PIEZO2: variants seen among roughly 807,000 people sequenced by gnomAD.
PIEZO2 encodes piezo-type mechanosensitive ion channel component 2.
PIEZO2 carries 172 observed loss-of-function variants against 337.3 expected under a neutral mutation model. The ratio of observed to expected loss-of-function variants is 0.51; its 90% CI spans 0.45 to 0.58. PIEZO2 has a LOEUF of 0.58. Among genes scored for constraint, PIEZO2 ranks in the 20% least tolerant of loss-of-function variants. The pLI is 0.00. For synonymous variants in PIEZO2, 1,251 were observed against 1,228.5 expected (o/e 1.02, Z -0.38); for missense variants, 3,028 against 3,391.3 (o/e 0.89, Z 2.66).
intron 7 of PIEZO2, among the ~76,000 whole-genome samples, chr18:10,841,575 A>G (rs2144607846): frequency 6.6e-6 from 1 of 152,300 alleles, no homozygotes; most frequent in Non-Finnish European, 1.5e-5. Flanking sequence ...AAACCTGTCA[A>G]CTGAGAGTTC....
rs7236574 is a variant in PIEZO2 at position 10,795,053 on chromosome 18, C to A, written c.1528-51G>T. On this transcript the variant is annotated intron_variant, in intron 12 of 55. Transcript: ENST00000674853. The surrounding 1 kb of genome is among the most constrained non-coding windows in gnomAD (Gnocchi z 4.4). The stretch of plus-strand genomic sequence containing the variant: ...GACCATGGTCAATACAATGCTCAGT[C>A]CCCCCCGCCCTGGTAAGGTAAAAAC... 199,924 of 1,393,844 alleles carry A rather than the reference C, an allele frequency of 0.14. 17,541 individuals are homozygous for A. The highest frequency in any genetic ancestry group is 0.39 in the East Asian group (15,721 of 40,106). The allele number at this position is 1,393,844 out of a possible 1,614,324, so 86.3% of individuals were successfully genotyped here.
Position 10,726,605 on chromosome 18 carries a change from T to C in PIEZO2, c.5029+4802A>G, listed in dbSNP as rs555427460. 6.8e-4 allele frequency: 916 copies of C among 1,341,142 alleles called. No homozygotes were observed. Among genetic ancestry groups the C allele is most frequent in the Middle Eastern group, 3.1e-3 (16 of 5,168 alleles). 83.1% of individuals were successfully genotyped at this position (1,341,142 alleles called of 1,614,324 possible). A position where few individuals can be genotyped will look rare whatever the true frequency, so the allele number is the denominator to read the frequency against. ...CTCTTCCAGGACCTGGCGCGCTACG[T>C]GCGGGACGCCGACGTGCGCTGGGAG... On this transcript the variant is annotated intron_variant, in intron 36 of 55. Transcript: ENST00000674853. The surrounding 1 kb of genome is among the most constrained non-coding windows in gnomAD (Gnocchi z 5.9).
chr18:11,148,504 C>CACTTGA lies in PIEZO2; in HGVS notation c.64+20_64+21insTCAAGT. 1 of 1,537,040 alleles carries CACTTGA rather than the reference C, an allele frequency of 6.5e-7. No individual in the cohort carries two copies. Among genetic ancestry groups the CACTTGA allele is most frequent in the Non-Finnish European group, 8.7e-7 (1 of 1,146,768 alleles). The stretch of plus-strand genomic sequence containing the variant: ...CCCCCTCGTCCTCCTCAAGTGCCCT[C>CACTTGA]GGAAAGCGGACCAGACTCACCTACT... On this transcript the variant is annotated intron_variant, in intron 1 of 55. Coordinates refer to ENST00000674853, the MANE Select transcript of PIEZO2 (RefSeq NM_001378183.1). The surrounding 1 kb of genome is among the most constrained non-coding windows in gnomAD (Gnocchi z 5.2).
chr18:11,104,563 G>C lies in PIEZO2; in HGVS notation c.65-38341C>G, dbSNP rs1456747572. Among the ~76,000 whole-genome samples, 1 of 152,184 alleles carries C rather than the reference G, an allele frequency of 6.6e-6. No individual in the cohort carries two copies. Among genetic ancestry groups the C allele is most frequent in the Admixed American group, 6.5e-5 (1 of 15,280 alleles). ...ATCTGAAGTCTGAAGTCCTGCCCAA[G>C]CAGACTGGCTAGAAGGGCTGCCACA... On this transcript the variant is annotated intron_variant, in intron 1 of 55. Transcript: ENST00000674853. The surrounding 1 kb of genome is among the most constrained non-coding windows in gnomAD (Gnocchi z 4.6).
intron 1 of PIEZO2, among the ~76,000 whole-genome samples, chr18:11,082,830 T>C (rs9967378): frequency 0.012 from 1,811 of 152,334 alleles, 27 homozygotes; most frequent in African/African-American, 0.042. Flanking sequence ...TTCTCGGTTT[T>C]CTTTAAAAAG....
intron 2 of PIEZO2, among the ~76,000 whole-genome samples, chr18:11,011,545 C>T (rs939955466): frequency 6.6e-6 from 1 of 152,084 alleles, no homozygotes; most frequent in Non-Finnish European, 1.5e-5. Context: ...TTTTAAAATG[C>T]TGGATAATAT....
intron 3 of PIEZO2, among the ~76,000 whole-genome samples, chr18:10,920,885 T>A (rs1225272121): frequency 6.6e-6 from 1 of 152,014 alleles, no homozygotes. Flanking sequence ...AAACACTGTC[T>A]CTACTAAAAA....
At chr18:11,073,379 G>A (rs935349180) in intron 1 of PIEZO2, among the ~76,000 whole-genome samples, 1 of 152,178 alleles carries the variant, frequency 6.6e-6, no homozygotes, top group Non-Finnish European at 1.5e-5. Context: ...GTTAAGGCTT[G>A]TCTTGAGCAT....
At position 11,021,586 on chromosome 18, in the gene PIEZO2, C is replaced by T. The variant is rs188098649; in HGVS notation, c.161-41926G>A. Among the ~76,000 whole-genome samples the T allele has an allele frequency of 6.6e-6, 1 of 152,166 alleles. No individual in the cohort carries two copies. Among genetic ancestry groups the T allele is most frequent in the African/African-American group, 2.4e-5 (1 of 41,434 alleles). On this transcript the variant is annotated intron_variant, in intron 2 of 55. Coordinates refer to ENST00000674853, the MANE Select transcript of PIEZO2 (RefSeq NM_001378183.1). This position sits in a 1 kb window ranked among gnomAD's most constrained non-coding sequence, Gnocchi z 4.7. ...TCGTGAGGAGGAACACAGTCACCATCGTGAATGAAAACCACCAAGTGGGGT... is the reference window on the plus strand; with the variant it reads ...TCGTGAGGAGGAACACAGTCACCATTGTGAATGAAAACCACCAAGTGGGGT...
chr18:10,725,993 G>A (rs1303718214), intron 36 of PIEZO2, among the ~76,000 whole-genome samples: 4 of 152,190 alleles, frequency 2.6e-5, no homozygotes, highest in East Asian at 1.9e-4. Context: ...GGTTTTTACC[G>A]AAGGCATCAG....
chr18:10,677,280 C>T lies in PIEZO2; in HGVS notation c.8081+467G>A, dbSNP rs1268281355. ...TTGCCCAGGCTGGAGTGCAGTGCTG[C>T]GATCTAGGCTCACTGCAACCTCTGC... On this transcript the variant is annotated intron_variant, in intron 53 of 55. Transcript: ENST00000674853. The surrounding 1 kb of genome is among the most constrained non-coding windows in gnomAD (Gnocchi z 4.1). Among the ~76,000 whole-genome samples, 2 of 152,088 alleles carry T rather than the reference C, an allele frequency of 1.3e-5. No homozygotes were observed. The highest frequency in any genetic ancestry group is 2.4e-5 in the African/African-American group (1 of 41,416).
At position 10,726,511 on chromosome 18, in the gene PIEZO2, C is replaced by T; in HGVS notation, c.5029+4896G>A. ...GCGTGCTGCTCCGCAAGCAGCCGTT[C>T]CTGTGGCGCGCTGCGCTGCTCTGCT... is the stretch of plus-strand genomic sequence containing the variant. On this transcript the variant is annotated intron_variant, in intron 36 of 55. Coordinates refer to ENST00000674853, the MANE Select transcript of PIEZO2 (RefSeq NM_001378183.1). This position sits in a 1 kb window ranked among gnomAD's most constrained non-coding sequence, Gnocchi z 5.9. The T allele has an allele frequency of 1.8e-5, 27 of 1,486,612 alleles. No homozygotes were observed. The highest frequency in any genetic ancestry group is 2.3e-5 in the Non-Finnish European group (26 of 1,122,752). The allele number at this position is 1,486,612 out of a possible 1,614,324, so 92.1% of individuals were successfully genotyped here. A position where few individuals can be genotyped will look rare whatever the true frequency, so the allele number is the denominator to read the frequency against.
At chr18:10,851,206 G>A (rs181022177) in intron 7 of PIEZO2, among the ~76,000 whole-genome samples, 243 of 136,768 alleles carry the variant, frequency 1.8e-3, no homozygotes, top group African/African-American at 6.6e-3. Context: ...CCAACTCAGA[G>A]TTTGGGGTTA....
At chr18:10,778,554 G>T (rs571237274) in intron 18 of PIEZO2, among the ~76,000 whole-genome samples, 2 of 151,936 alleles carry the variant, frequency 1.3e-5, no homozygotes, top group Admixed American at 6.6e-5. Context: ...GGATGGTCTC[G>T]ATCTCCTGAC....
intron 18 of PIEZO2, among the ~76,000 whole-genome samples, chr18:10,778,379 C>T (rs1212310392): frequency 7.0e-6 from 1 of 142,712 alleles, no homozygotes; most frequent in Admixed American, 7.5e-5. Flanking sequence ...GTCGCCCAGG[C>T]TGGAGTGCAG....
At chr18:10,971,142 G>A (rs181196838) in intron 3 of PIEZO2, among the ~76,000 whole-genome samples, 33 of 152,240 alleles carry the variant, frequency 2.2e-4, no homozygotes, top group Admixed American at 1.1e-3. Flanking sequence ...AACAGCAGAG[G>A]ATAAGGGACT....
At chr18:10,722,881 A>G (rs2036376961) in intron 36 of PIEZO2, among the ~76,000 whole-genome samples, 1 of 151,996 alleles carries the variant, frequency 6.6e-6, no homozygotes, top group Non-Finnish European at 1.5e-5. Context: ...AATGACCAGC[A>G]AGGCATGAGA....
At chr18:10,738,055 C>A (rs577118758) in intron 33 of PIEZO2, 1 of 152,178 alleles carries the variant, frequency 6.6e-6, no homozygotes, top group African/African-American at 2.4e-5. Flanking sequence ...CACTGTCATT[C>A]GTTATTTTCA....
chr18:10,992,909 C>T (rs1417603879), intron 2 of PIEZO2, among the ~76,000 whole-genome samples: 1 of 152,136 alleles, frequency 6.6e-6, no homozygotes, highest in Admixed American at 6.6e-5. Flanking sequence ...TTTCCTTGAG[C>T]AGTGGTTTAT....
Sources: allele counts gnomAD v4.1 joint callset (sites outside exome capture counted in the v4.1 genomes callset), GRCh38; gene constraint gnomAD v4.1.1; non-coding constraint Gnocchi (gnomAD v3.1); transcripts MANE v1.5; gene names NCBI Gene and HGNC (gene_info 2026-07-23, HGNC 2026-07-21).